The following DOCK2 variants were observed in gnomAD, a reference collection of about 807,000 sequenced individuals.
The protein encoded by DOCK2 is dedicator of cytokinesis 2.
DOCK2 carries 87 observed loss-of-function variants against 248.9 expected under a neutral mutation model. The ratio of observed to expected loss-of-function variants is 0.35; its 90% confidence interval spans 0.29 to 0.42. The LOEUF is 0.42. Ranked by LOEUF, DOCK2 falls within the 10% of genes least tolerant of loss-of-function variation. DOCK2 has a pLI of 1.00. For missense variants in DOCK2, 1,747 were observed against 2,300.2 expected, an observed-to-expected ratio of 0.76 and a Z score of 4.92; for synonymous variants, 805 against 821.6, an observed-to-expected ratio of 0.98 and a Z score of 0.35.
intron 23 of DOCK2, among the ~76,000 whole-genome samples, chr5:169,755,122 ATT>A (rs1764123633): frequency 1.3e-5 from 2 of 151,446 alleles, no homozygotes; most frequent in Non-Finnish European, 2.9e-5. Flanking sequence ...ACATATATAT[ATT>A]TTGTAGAGAT....
intron 25 of DOCK2, among the ~76,000 whole-genome samples, chr5:169,771,617 T>C (rs1263589183): frequency 1.3e-5 from 2 of 152,198 alleles, no homozygotes; most frequent in African/African-American, 4.8e-5. Flanking sequence ...ATTTTTCTTA[T>C]TGATCTATAG....
At chr5:169,820,622 T>C (rs1413640264) in intron 26 of DOCK2, among the ~76,000 whole-genome samples, 2 of 152,142 alleles carry the variant, frequency 1.3e-5, no homozygotes, top group Non-Finnish European at 2.9e-5. Flanking sequence ...CATCTGTACG[T>C]CACCATCATC....
intron 27 of DOCK2, among the ~76,000 whole-genome samples, chr5:169,861,255 A>C (rs1771179575): frequency 6.6e-6 from 1 of 152,246 alleles, no homozygotes; most frequent in South Asian, 2.1e-4. Context: ...CTTCTTAAGC[A>C]TACATTTTAT....
At chr5:169,987,280 G>A (rs977524197) in intron 29 of DOCK2, among the ~76,000 whole-genome samples, 1 of 152,166 alleles carries the variant, frequency 6.6e-6, no homozygotes, top group Non-Finnish European at 1.5e-5. Context: ...CAAAGGTCTG[G>A]CCTGAGCTAC....
chr5:169,966,924 A>G (rs1185476352), intron 27 of DOCK2, among the ~76,000 whole-genome samples: 1 of 152,206 alleles, frequency 6.6e-6, no homozygotes, highest in Non-Finnish European at 1.5e-5. Context: ...GCGCCATCAA[A>G]TTAGACTTAA....
intron 9 of DOCK2, 49 bp from the exon 10 acceptor site, chr5:169,695,754 T>A (rs752734350): frequency 6.2e-7 from 1 of 1,605,430 alleles, no homozygotes; most frequent in Non-Finnish European, 8.5e-7. Context: ...TCTACCTTTT[T>A]TCCCCCATTC....
At chr5:169,984,459 C>A (rs754988342) in intron 28 of DOCK2, among the ~76,000 whole-genome samples, 1 of 152,128 alleles carries the variant, frequency 6.6e-6, no homozygotes, top group Non-Finnish European at 1.5e-5. Context: ...TCACAGTCAC[C>A]CTTTGAAGTA....
intron 22 of DOCK2, among the ~76,000 whole-genome samples, chr5:169,725,090 T>C (rs17071625): frequency 0.041 from 6,274 of 152,322 alleles, 163 homozygotes; most frequent in African/African-American, 0.076. Context: ...TGAGCTGAAA[T>C]GCCTGTGACA....
chr5:169,785,138 T>C (rs529341146), intron 25 of DOCK2, among the ~76,000 whole-genome samples: 1 of 152,340 alleles, frequency 6.6e-6, no homozygotes, highest in African/African-American at 2.4e-5. Context: ...AACCTCATTA[T>C]GGGTAGCTTC....
intron 27 of DOCK2, among the ~76,000 whole-genome samples, chr5:169,948,612 A>G (rs563085188): frequency 6.8e-6 from 1 of 148,094 alleles, no homozygotes; most frequent in East Asian, 2.0e-4. Flanking sequence ...TTCCACAATT[A>G]ATTTTTTTTT....
rs771153739 is a variant in DOCK2 at position 170,080,207 on chromosome 5, G to A, written c.5211G>A (p.Glu1737=). Residue 1737 remains glutamate (E), a synonymous_variant, in exon 50 of 52, where the codon GAG becomes GAA. Transcript: ENST00000520908. Reference sequence around the variant, plus strand: ...TCATGAGTGACACCAACCTCTCGGAGCATGCGGCCATCCCCCTCAAGGCGT... The same window carrying A: ...TCATGAGTGACACCAACCTCTCGGAACATGCGGCCATCCCCCTCAAGGCGT... ...HEFMSDTNLS[E]HAAIPLKASV... The A allele has an allele frequency of 3.1e-6, 5 of 1,614,006 alleles. No homozygotes were observed. Among genetic ancestry groups the A allele is most frequent in the Middle Eastern group, 1.6e-4 (1 of 6,084 alleles).
intron 23 of DOCK2, among the ~76,000 whole-genome samples, chr5:169,757,001 G>C (rs957084643): frequency 6.6e-6 from 1 of 151,874 alleles, no homozygotes; most frequent in East Asian, 1.9e-4. Context: ...TATCCCTTTA[G>C]ACTTCAGAGG....
chr5:170,060,613 G>T (rs934793255), intron 44 of DOCK2, among the ~76,000 whole-genome samples: 4 of 152,214 alleles, frequency 2.6e-5, no homozygotes, highest in African/African-American at 9.7e-5. Flanking sequence ...CTAGCAATGG[G>T]ACTTGAACTG....
At chr5:169,998,463 G>A (rs1035702322) in intron 30 of DOCK2, among the ~76,000 whole-genome samples, 1 of 152,218 alleles carries the variant, frequency 6.6e-6, no homozygotes, top group African/African-American at 2.4e-5. Context: ...CAATGAGAGC[G>A]ATAATAAAAT....
At position 169,714,368 on chromosome 5, in the gene DOCK2, C is replaced by T. The variant is rs781441978; in HGVS notation, c.1852C>T (p.Leu618=). 2 of 1,613,994 alleles carry T rather than the reference C, an allele frequency of 1.2e-6. No homozygotes were observed. Among genetic ancestry groups the T allele is most frequent in the Admixed American group, 3.3e-5 (2 of 59,994 alleles). ...TCTGGACTCTATTTTAGTGGGCTTGCTGGGTTTGCTGAAGTGGCGTATGAA... is the reference window on the plus strand; with the variant it reads ...TCTGGACTCTATTTTAGTGGGCTTGTTGGGTTTGCTGAAGTGGCGTATGAA... ...STKLTQNVGL[L]GLLKWRMKPQ... The change falls in exon 19 of 52, where the codon CTG becomes TTG. Residue 618 remains leucine, a synonymous_variant. Coordinates refer to ENST00000520908, the MANE Select transcript of DOCK2 (RefSeq NM_004946.3).
intron 17 of DOCK2, among the ~76,000 whole-genome samples, chr5:169,712,941 T>G (rs1255534388): frequency 1.3e-5 from 2 of 152,266 alleles, no homozygotes; most frequent in Non-Finnish European, 2.9e-5. Flanking sequence ...AGTGTATGGC[T>G]GTGAGGTGGA....
chr5:169,875,956 T>TA (rs1223279052), intron 27 of DOCK2: 1 of 152,288 alleles, frequency 6.6e-6, no homozygotes, highest in Non-Finnish European at 1.5e-5. Flanking sequence ...ATTTTACTCT[T>TA]ACAGTTCTGG....
rs566513378 is a variant in DOCK2, at chr5:169,764,493, C to T, written c.2554+2868C>T. On this transcript the variant is annotated intron_variant, in intron 25 of 51. Coordinates refer to ENST00000520908, the MANE Select transcript of DOCK2 (RefSeq NM_004946.3). The surrounding 1 kb of genome is among the most constrained non-coding windows in gnomAD (Gnocchi z 4.3). ...TAATTTTCTAAACCTCTCTGATTCT[C>T]AGTAAGCTCATCTGGAAAGTGGGAA... Among the ~76,000 whole-genome samples, 5 of 152,260 alleles carry T rather than the reference C, an allele frequency of 3.3e-5. No homozygotes were observed. In the South Asian group the frequency reaches 1.0e-3, roughly 32 times the overall value.
chr5:170,068,066 G>T (rs1472993213), intron 45 of DOCK2, among the ~76,000 whole-genome samples: 1 of 152,144 alleles, frequency 6.6e-6, no homozygotes, highest in Non-Finnish European at 1.5e-5. Flanking sequence ...GATGTGAAAT[G>T]ATGTATACTA....
Sources: gnomAD v4.1 joint callset for allele counts (sites outside exome capture counted in the v4.1 genomes callset) on GRCh38, gnomAD v4.1.1 for gene constraint, Gnocchi (gnomAD v3.1) non-coding constraint, MANE v1.5 for transcripts, NCBI Gene and HGNC (gene_info 2026-07-23, HGNC 2026-07-21) for gene names.